Variants in PDZRN4 observed in about 807,000 individuals in gnomAD.
The protein encoded by PDZRN4 is PDZ domain containing ring finger 4.
PDZRN4 carries 70 observed loss-of-function variants against 99.0 expected under a neutral mutation model. The ratio of observed to expected loss-of-function variants is 0.71; its 90% CI spans 0.58 to 0.86. PDZRN4 has a LOEUF of 0.86. PDZRN4 is among the 40% of genes least tolerant of loss of function. The probability of loss-of-function intolerance (pLI) is 0.00; values close to 1 mark genes in which losing one functional copy is unlikely to be tolerated. For missense variants in PDZRN4, 1,474 were observed against 1,331.2 expected, an observed-to-expected ratio of 1.11 and a Z score of -1.67; for synonymous variants, 551 against 501.6, an observed-to-expected ratio of 1.10 and a Z score of -1.32.
intron 3 of PDZRN4, among the ~76,000 whole-genome samples, chr12:41,343,449 C>A (rs1951830863): frequency 6.6e-6 from 1 of 151,530 alleles, no homozygotes; most frequent in Non-Finnish European, 1.5e-5. Flanking sequence ...TCTTTTAGTT[C>A]TGCTCTGAAT....
At chr12:41,353,631 G>A (rs1454027406) in intron 3 of PDZRN4, among the ~76,000 whole-genome samples, 1 of 152,028 alleles carries the variant, frequency 6.6e-6, no homozygotes, top group Non-Finnish European at 1.5e-5. Context: ...CAGCACTGGT[G>A]AGGAGGTGTG....
At chr12:41,477,276 A>G (rs1937612456) in intron 3 of PDZRN4, among the ~76,000 whole-genome samples, 1 of 152,174 alleles carries the variant, frequency 6.6e-6, no homozygotes, top group South Asian at 2.1e-4. Flanking sequence ...GCCTGCCTCC[A>G]TTTTTCAATT....
chr12:41,513,729 A>G (rs912312247), intron 5 of PDZRN4, among the ~76,000 whole-genome samples: 6 of 152,042 alleles, frequency 3.9e-5, no homozygotes, highest in Non-Finnish European at 8.8e-5. Context: ...ACTAGAAATA[A>G]TTTAAAGGGA....
chr12:41,492,831 A>G (rs373274118), intron 3 of PDZRN4, among the ~76,000 whole-genome samples: 1 of 152,280 alleles, frequency 6.6e-6, no homozygotes, highest in Middle Eastern at 3.4e-3. Context: ...TGAATGAAAA[A>G]GATATAGACA....
chr12:41,362,492 A>T (rs1209002475), intron 3 of PDZRN4, among the ~76,000 whole-genome samples: 2 of 152,086 alleles, frequency 1.3e-5, no homozygotes, highest in African/African-American at 4.8e-5. Context: ...CATAAGATGG[A>T]GGCTATATAT....
At chr12:41,566,785 A>C (rs952669422) in intron 8 of PDZRN4, among the ~76,000 whole-genome samples, 1 of 152,162 alleles carries the variant, frequency 6.6e-6, no homozygotes, top group African/African-American at 2.4e-5. Context: ...TCAAACTATT[A>C]TCCATGTTTG....
Position 41,574,694 on chromosome 12 carries a change from C to T in PDZRN4, c.*804C>T, listed in dbSNP as rs1210045834. On this transcript the variant is annotated 3_prime_UTR_variant, in exon 10 of 10. Coordinates refer to ENST00000402685, the MANE Select transcript of PDZRN4 (RefSeq NM_001164595.2). ...GCCTAATTGTGGATTATAAAATGTG[C>T]ACATTTTCTATCACTTGTTTCCAAT... 6.6e-6 allele frequency: 1 copy of T among 152,140 alleles called. No homozygotes were observed. The highest frequency in any genetic ancestry group is 2.4e-5 in the African/African-American group (1 of 41,416). The allele number at this position is 152,140 out of a possible 1,614,324, so 9.4% of individuals were successfully genotyped here. A position where few individuals can be genotyped will look rare whatever the true frequency, so the allele number is the denominator to read the frequency against.
intron 3 of PDZRN4, among the ~76,000 whole-genome samples, chr12:41,208,577 A>G (rs1263184078): frequency 6.6e-6 from 1 of 151,980 alleles, no homozygotes; most frequent in African/African-American, 2.4e-5. Flanking sequence ...GCATTTGCTT[A>G]TCATCTCTAC....
intron 3 of PDZRN4, among the ~76,000 whole-genome samples, chr12:41,261,297 C>G (rs1360934109): frequency 1.3e-5 from 2 of 152,108 alleles, no homozygotes; most frequent in Non-Finnish European, 2.9e-5. Flanking sequence ...GAGGCAGTTA[C>G]AAATTTCTTT....
intron 3 of PDZRN4, among the ~76,000 whole-genome samples, chr12:41,502,801 G>A (rs1165684552): frequency 3.9e-5 from 6 of 152,038 alleles, no homozygotes; most frequent in Non-Finnish European, 5.9e-5. Flanking sequence ...GGGATGGAGG[G>A]ACAGAATATA....
At chr12:41,329,484 T>C (rs1349601655) in intron 3 of PDZRN4, among the ~76,000 whole-genome samples, 3 of 152,134 alleles carry the variant, frequency 2.0e-5, no homozygotes, top group Non-Finnish European at 4.4e-5. Flanking sequence ...TTTTTTCTGC[T>C]TAGTTAATTC....
Position 41,233,609 on chromosome 12 carries a change from TA to T in PDZRN4, c.843+39427del, listed in dbSNP as rs570440903. Among the ~76,000 whole-genome samples, 26 of 152,178 alleles carry T rather than the reference TA, an allele frequency of 1.7e-4. No individual in the cohort carries two copies. In the East Asian group the frequency reaches 5.1e-3, roughly 30 times the overall value. ...TGCACCATGGAGTACTATGCAGCCA[TA>T]AAAAATGATGAGTTCATGTCCTTTG... On this transcript the variant is annotated intron_variant, in intron 3 of 9. Transcript: ENST00000402685.
intron 3 of PDZRN4, among the ~76,000 whole-genome samples, chr12:41,224,914 C>A (rs1442530303): frequency 6.6e-6 from 1 of 152,092 alleles, no homozygotes; most frequent in African/African-American, 2.4e-5. Flanking sequence ...CATAATAATA[C>A]CCTAACACTG....
At chr12:41,330,511 A>T (rs1298994154) in intron 3 of PDZRN4, among the ~76,000 whole-genome samples, 1 of 150,890 alleles carries the variant, frequency 6.6e-6, no homozygotes, top group Non-Finnish European at 1.5e-5. Context: ...AAAAAAAGAC[A>T]ATTTCCTATG....
In PDZRN4 at chr12:41,563,561, A is replaced by T. The variant is rs370713176; in HGVS notation, c.1379A>T (p.Asp460Val). The change falls in exon 8 of 10, where the codon GAT (aspartate) becomes GTT (valine). Residue 460 changes from aspartate to valine, a missense_variant. Physicochemically the swap from Asp to Val is radical, Grantham distance 152 (BLOSUM62 -3). Coordinates refer to ENST00000402685, the MANE Select transcript of PDZRN4 (RefSeq NM_001164595.2). ...GDRILQINGE[D>V]VQNREEAVAL... The stretch of plus-strand genomic sequence containing the variant: ...TTTGTTTTCTAGATAAATGGGGAAG[A>T]TGTCCAGAATCGAGAAGAAGCAGTG... 10 of 1,612,694 alleles carry T rather than the reference A, an allele frequency of 6.2e-6. No homozygotes were observed. Among genetic ancestry groups the T allele is most frequent in the Non-Finnish European group, 8.5e-6 (10 of 1,178,800 alleles).
At chr12:41,322,999 G>A (rs1028358434) in intron 3 of PDZRN4, among the ~76,000 whole-genome samples, 21 of 152,044 alleles carry the variant, frequency 1.4e-4, no homozygotes, top group African/African-American at 4.8e-4. Context: ...ATGGCAGAGG[G>A]CAAATAAGGC....
intron 3 of PDZRN4, among the ~76,000 whole-genome samples, chr12:41,432,481 C>T (rs1952593410): frequency 2.0e-5 from 3 of 152,182 alleles, no homozygotes; most frequent in African/African-American, 7.2e-5. Context: ...CCAACTCAGG[C>T]ATGCTGTCAT....
chr12:41,371,341 T>C (rs1952039732), intron 3 of PDZRN4, among the ~76,000 whole-genome samples: 1 of 151,938 alleles, frequency 6.6e-6, no homozygotes, highest in Non-Finnish European at 1.5e-5. Flanking sequence ...AGAAGAAATT[T>C]TACATTATTG....
intron 3 of PDZRN4, among the ~76,000 whole-genome samples, chr12:41,432,905 C>T (rs918183398): frequency 6.6e-6 from 1 of 152,116 alleles, no homozygotes. Flanking sequence ...AAAAAAGAAT[C>T]GTGTATTCAA....
Sources: allele counts gnomAD v4.1 joint callset (sites outside exome capture counted in the v4.1 genomes callset), GRCh38; gene constraint gnomAD v4.1.1; transcripts MANE v1.5; gene names NCBI Gene and HGNC (gene_info 2026-07-23, HGNC 2026-07-21).